Variants in SMOC1 observed in about 807,000 individuals in gnomAD.
SMOC1 encodes the protein SPARC related modular calcium binding 1.
In SMOC1, 22 loss-of-function variants were observed where a neutral mutation model predicts 56.3. That is an observed-to-expected ratio of 0.39 (90% CI 0.28 to 0.56). SMOC1 has a LOEUF of 0.56. Among genes scored for constraint, SMOC1 ranks in the 20% least tolerant of loss-of-function variants. The probability of loss-of-function intolerance (pLI) is 0.61; values close to 1 mark genes in which losing one functional copy is unlikely to be tolerated. For synonymous variants in SMOC1, 193 were observed against 215.0 expected (o/e 0.90, Z 0.89); for missense variants, 509 against 565.4 (o/e 0.90, Z 1.01).
In SMOC1 at chr14:69,920,919, C is replaced by G. The variant is rs78249130; in HGVS notation, c.100-31219C>G. ...GGTGAAATTCTTCTCATTGTTTAAA[C>G]TAGTTCACAGTAACTGTAAGATGGG... is the stretch of plus-strand genomic sequence containing the variant. On this transcript the variant is annotated intron_variant, in intron 1 of 11. Transcript: ENST00000361956. Among the ~76,000 whole-genome samples the G allele has an allele frequency of 7.7e-3, 1,167 of 152,250 alleles. 19 individuals carry two copies. The highest frequency in any genetic ancestry group is 0.026 in the African/African-American group (1,072 of 41,552).
At chr14:69,918,054 C>T (rs574728810) in intron 1 of SMOC1, among the ~76,000 whole-genome samples, 7 of 152,246 alleles carry the variant, frequency 4.6e-5, no homozygotes, top group Non-Finnish European at 7.4e-5. Flanking sequence ...ATATACACAT[C>T]GTGAAATGCT....
intron 1 of SMOC1, among the ~76,000 whole-genome samples, chr14:69,881,349 C>T (rs550492558): frequency 6.6e-6 from 1 of 152,022 alleles, no homozygotes; most frequent in Non-Finnish European, 1.5e-5. Context: ...ACAGGAGGGT[C>T]GAAAGGAGAG....
Position 70,031,247 on chromosome 14 carries a change from C to A in SMOC1, c.*989C>A, listed in dbSNP as rs889408260. ...GCAGGGGAGGGGACAGGACAGAAAG[C>A]CTGCACTGAGGGGTGCGGTGCCAAC... On this transcript the variant is annotated 3_prime_UTR_variant, in exon 12 of 12. Transcript: ENST00000361956. 4 of 152,132 alleles carry A rather than the reference C, an allele frequency of 2.6e-5. No individual in the cohort carries two copies. The highest frequency in any genetic ancestry group is 9.7e-5 in the African/African-American group (4 of 41,416). 9.4% of individuals were successfully genotyped at this position (152,132 alleles called of 1,614,324 possible). A position where few individuals can be genotyped will look rare whatever the true frequency, so the allele number is the denominator to read the frequency against.
chr14:69,911,957 C>T (rs940301428), intron 1 of SMOC1, among the ~76,000 whole-genome samples: 5 of 152,300 alleles, frequency 3.3e-5, no homozygotes, highest in African/African-American at 4.8e-5. Flanking sequence ...TGTACCATTT[C>T]GCATCCCCAC....
At chr14:69,998,914 C>T (rs528665914) in intron 7 of SMOC1, among the ~76,000 whole-genome samples, 2 of 152,308 alleles carry the variant, frequency 1.3e-5, no homozygotes, top group African/African-American at 4.8e-5. Context: ...GCCCTAGACC[C>T]TGGCCCTGTG....
chr14:69,889,261 C>T (rs1883895700), intron 1 of SMOC1, among the ~76,000 whole-genome samples: 1 of 152,198 alleles, frequency 6.6e-6, no homozygotes, highest in African/African-American at 2.4e-5. Context: ...TTCCTGATCT[C>T]TCCTTCCTTC....
chr14:69,941,180 A>G (rs1278972619), intron 1 of SMOC1, among the ~76,000 whole-genome samples: 1 of 152,166 alleles, frequency 6.6e-6, no homozygotes, highest in East Asian at 1.9e-4. Flanking sequence ...CCTGTAGGGC[A>G]GCGACAAAGC....
At position 69,952,294 on chromosome 14, in the gene SMOC1, A is replaced by G; in HGVS notation, c.256A>G (p.Arg86Gly). The G allele has an allele frequency of 6.2e-7, 1 of 1,614,108 alleles. No individual in the cohort carries two copies. Among genetic ancestry groups the G allele is most frequent in the Non-Finnish European group, 8.5e-7 (1 of 1,179,994 alleles). ...DPTLGVVHRG[R>G]CKDAGQSKCR... ...GACCCTGGGCGTGGTGCATCGAGGT[A>G]GATGCAAAGGTGAGTGTGTGCACCC... Residue 86 changes from arginine (R) to glycine (G), a missense_variant, in exon 2 of 12, where the codon AGA (arginine) becomes GGA (glycine). By Grantham distance (125) the Arg-to-Gly change is moderately radical. Coordinates refer to ENST00000361956, the MANE Select transcript of SMOC1 (RefSeq NM_001034852.3).
intron 10 of SMOC1, among the ~76,000 whole-genome samples, chr14:70,022,071 C>T (rs1885745557): frequency 6.6e-6 from 1 of 152,174 alleles, no homozygotes; most frequent in African/African-American, 2.4e-5. Context: ...TTTCTCCTTC[C>T]CCAGGGGAAG....
intron 1 of SMOC1, among the ~76,000 whole-genome samples, chr14:69,888,411 G>A (rs900922589): frequency 1.3e-5 from 2 of 152,172 alleles, no homozygotes; most frequent in African/African-American, 2.4e-5. Flanking sequence ...CTTCCTGGAC[G>A]TCACCTTGGT....
At chr14:70,019,034 C>A (rs2139606559) in intron 10 of SMOC1, among the ~76,000 whole-genome samples, 1 of 152,354 alleles carries the variant, frequency 6.6e-6, no homozygotes, top group Admixed American at 6.5e-5. Context: ...AAGCAGGTTT[C>A]CTTGTGGTAA....
chr14:69,988,415 T>C (rs765094568), intron 5 of SMOC1, among the ~76,000 whole-genome samples: 18 of 152,106 alleles, frequency 1.2e-4, no homozygotes, highest in Non-Finnish European at 2.6e-4. Context: ...CACATGCATA[T>C]ACAGATTCAC....
intron 7 of SMOC1, among the ~76,000 whole-genome samples, chr14:70,004,427 CT>C (rs1885077098): frequency 6.6e-6 from 1 of 152,190 alleles, no homozygotes; most frequent in African/African-American, 2.4e-5. Context: ...ACAGGTTGCC[CT>C]TCATAATGTG....
At chr14:70,009,718 A>C (rs1378254680) in intron 7 of SMOC1, among the ~76,000 whole-genome samples, 1 of 152,264 alleles carries the variant, frequency 6.6e-6, no homozygotes, top group Admixed American at 6.5e-5. Context: ...TGTTATCAAA[A>C]AAGTAGATGT....
At chr14:69,930,213 C>CCCCCTGACAGCACCCTTCCCACT (rs796556570) in intron 1 of SMOC1, among the ~76,000 whole-genome samples, 172 of 130,756 alleles carry the variant, frequency 1.3e-3, no homozygotes, top group African/African-American at 6.4e-3. Context: ...CCCTTCTCAC[C>CCCCCTGACAGCACCCTTCCCACT]CCCCTGACAG....
At chr14:69,998,506 A>C (rs1884854868) in intron 7 of SMOC1, among the ~76,000 whole-genome samples, 1 of 151,942 alleles carries the variant, frequency 6.6e-6, no homozygotes, top group African/African-American at 2.4e-5. Flanking sequence ...TTTTTTAACC[A>C]TCTATATGTT....
intron 7 of SMOC1, among the ~76,000 whole-genome samples, chr14:69,994,811 G>T (rs1244512425): frequency 6.6e-6 from 1 of 152,188 alleles, no homozygotes; most frequent in African/African-American, 2.4e-5. Context: ...TTCAAGCCTG[G>T]AGGGAGTCGA....
At chr14:69,966,035 A>G (rs924841657) in intron 3 of SMOC1, among the ~76,000 whole-genome samples, 3 of 152,180 alleles carry the variant, frequency 2.0e-5, no homozygotes, top group African/African-American at 7.2e-5. Flanking sequence ...TTAAAAGTGA[A>G]GTCAGACAGG....
chr14:69,986,962 G>A (rs17107547), intron 5 of SMOC1, among the ~76,000 whole-genome samples: 25,048 of 152,126 alleles, frequency 0.16, 2,679 homozygotes, highest in East Asian at 0.38. Context: ...TGGTCATGGC[G>A]CATGCATCTC....
Sources: gnomAD v4.1 joint callset for allele counts (sites outside exome capture counted in the v4.1 genomes callset) on GRCh38, gnomAD v4.1.1 for gene constraint, MANE v1.5 for transcripts, NCBI Gene and HGNC (gene_info 2026-07-23, HGNC 2026-07-21) for gene names.